EGFR: variants seen among roughly 807,000 people sequenced by gnomAD.
EGFR encodes avian erythroblastic leukemia viral (v-erb-b) oncogene homolog.
A neutral mutation model predicts 143.0 loss-of-function variants in EGFR; 58 were observed. The ratio of observed to expected loss-of-function variants is 0.41; its 90% confidence interval spans 0.33 to 0.50. The LOEUF (loss-of-function observed/expected upper bound fraction) is 0.50, where lower values mean the gene tolerates loss of function less well. Among genes scored for constraint, EGFR ranks in the 20% least tolerant of loss-of-function variants. The pLI, the probability that EGFR is intolerant of heterozygous loss-of-function variation, is 0.39. For missense variants in EGFR, 1,307 were observed against 1,579.0 expected, an observed-to-expected ratio of 0.83 and a Z score of 2.92; for synonymous variants, 613 against 594.4, an observed-to-expected ratio of 1.03 and a Z score of -0.45.
intron 24 of EGFR, chr7:55,200,940 C>T (rs1459987454): frequency 7.0e-6 from 4 of 572,270 alleles, no homozygotes; most frequent in South Asian, 2.0e-5. Context: ...TTTCTGTTTC[C>T]TCAGAAGCTA....
At chr7:55,170,943 GAAC>G in intron 15 of EGFR, 1 of 1,433,636 alleles carries the variant, frequency 7.0e-7, no homozygotes, top group South Asian at 1.5e-5. Flanking sequence ...TTCAATGCTA[GAAC>G]AACGCCTGTC....
intron 1 of EGFR, among the ~76,000 whole-genome samples, chr7:55,052,810 A>C (rs1284432452): frequency 6.6e-6 from 1 of 152,186 alleles, no homozygotes. Context: ...CTTCTGGAGC[A>C]CTGTAATGTG....
At chr7:55,171,593 T>C (rs1035972793) in intron 16 of EGFR, among the ~76,000 whole-genome samples, 1 of 152,186 alleles carries the variant, frequency 6.6e-6, no homozygotes, top group South Asian at 2.1e-4. Context: ...TGTGTGTGAG[T>C]GGCCTTTCTG....
At chr7:55,136,145 G>T (rs6969570) in intron 1 of EGFR, among the ~76,000 whole-genome samples, 1 of 152,134 alleles carries the variant, frequency 6.6e-6, no homozygotes, top group East Asian at 1.9e-4. Flanking sequence ...AGAAATGACC[G>T]GTCCTGATTC....
At chr7:55,049,082 T>C (rs1429791481) in intron 1 of EGFR, among the ~76,000 whole-genome samples, 1 of 152,232 alleles carries the variant, frequency 6.6e-6, no homozygotes, top group Non-Finnish European at 1.5e-5. Flanking sequence ...ACATTTAGTA[T>C]GCATATGACA....
Position 55,151,110 on chromosome 7 carries a change from T to A in EGFR, c.560-184T>A, listed in dbSNP as rs17289760. On this transcript the variant is annotated intron_variant, in intron 4 of 27. Transcript: ENST00000275493. The stretch of plus-strand genomic sequence containing the variant: ...CTGACATGTAAATAAAAGCAGTTCA[T>A]GGTTCATCTTCTTTTCTTATCGGGG... Among the ~76,000 whole-genome samples, 2,105 of 152,368 alleles carry A rather than the reference T, an allele frequency of 0.014. 43 individuals carry two copies. Among genetic ancestry groups the A allele is most frequent in the African/African-American group, 0.046 (1,897 of 41,582 alleles).
In EGFR at chr7:55,209,371, C is replaced by T. The variant is rs1788185755; in HGVS notation, c.*3754C>T. ...AGACTTGGCTCATTTCAAAAGCGTT[C>T]AATTCATCCTCACCAGCAGTTCAGC... On this transcript the variant is annotated 3_prime_UTR_variant, in exon 28 of 28. Coordinates refer to ENST00000275493, the MANE Select transcript of EGFR (RefSeq NM_005228.5). 6.6e-6 allele frequency: 1 copy of T among 152,142 alleles called. No individual in the cohort carries two copies. 9.4% of individuals were successfully genotyped at this position (152,142 alleles called of 1,614,324 possible). A position where few individuals can be genotyped will look rare whatever the true frequency, so the allele number is the denominator to read the frequency against.
At chr7:55,172,726 G>C in intron 16 of EGFR, 1 of 824,706 alleles carries the variant, frequency 1.2e-6, no homozygotes, top group African/African-American at 1.7e-5. Flanking sequence ...TCATTATATG[G>C]AGAGGTCCAG....
At chr7:55,058,212 G>A (rs1453429841) in intron 1 of EGFR, among the ~76,000 whole-genome samples, 2 of 152,184 alleles carry the variant, frequency 1.3e-5, no homozygotes, top group Non-Finnish European at 2.9e-5. Flanking sequence ...TGGCCAAGAT[G>A]GTGAAACCTC....
intron 7 of EGFR, among the ~76,000 whole-genome samples, chr7:55,155,340 G>A (rs1471983737): frequency 3.3e-5 from 5 of 152,234 alleles, no homozygotes; most frequent in African/African-American, 1.2e-4. Flanking sequence ...CGCTCAGGAG[G>A]CTGAGGCAGG....
chr7:55,203,688 C>T (rs1418085419), intron 27 of EGFR, among the ~76,000 whole-genome samples: 1 of 146,582 alleles, frequency 6.8e-6, no homozygotes, highest in Non-Finnish European at 1.5e-5. Flanking sequence ...CCACACACAC[C>T]ACACATACAC....
intron 14 of EGFR, among the ~76,000 whole-genome samples, chr7:55,164,124 C>G (rs1353678204): frequency 1.3e-5 from 2 of 152,250 alleles, no homozygotes; most frequent in Non-Finnish European, 2.9e-5. Context: ...CTGACCTAGT[C>G]AGCATTGCTT....
intron 16 of EGFR, chr7:55,172,782 G>C (rs1246540177): frequency 6.8e-7 from 1 of 1,471,652 alleles, no homozygotes; most frequent in Non-Finnish European, 9.2e-7. Context: ...GCCTGGTAGG[G>C]GACTGGGGAG....
chr7:55,186,227 C>T (rs1787131631), intron 20 of EGFR, among the ~76,000 whole-genome samples: 1 of 152,206 alleles, frequency 6.6e-6, no homozygotes, highest in Admixed American at 6.5e-5. Flanking sequence ...GAGGAAGGGC[C>T]ACAGTGTGTT....
rs1443442951 is a variant in EGFR at position 55,201,456 on chromosome 7, A to G, written c.3114+101A>G. 9 of 1,524,494 alleles carry G rather than the reference A, an allele frequency of 5.9e-6. No individual in the cohort carries two copies. Among genetic ancestry groups the G allele is most frequent in the African/African-American group, 1.4e-5 (1 of 72,548 alleles). 94.4% of individuals were successfully genotyped at this position (1,524,494 alleles called of 1,614,324 possible). On this transcript the variant is annotated intron_variant, in intron 25 of 27. Transcript: ENST00000275493. The stretch of plus-strand genomic sequence containing the variant: ...ACCATCTAGTGAAACTCACATGGAT[A>G]TGAAGTCAATTTTAACCAAATGGTA...
At chr7:55,172,905 T>A (rs746217493) in intron 16 of EGFR, 78 bp from the exon 17 acceptor site, 1 of 1,613,082 alleles carries the variant, frequency 6.2e-7, no homozygotes, top group Non-Finnish European at 8.5e-7. Context: ...CACTGAAACA[T>A]GCAGGGGCGT....
chr7:55,136,359 A>C (rs932087732), intron 1 of EGFR, among the ~76,000 whole-genome samples: 1 of 152,214 alleles, frequency 6.6e-6, no homozygotes, highest in Non-Finnish European at 1.5e-5. Flanking sequence ...AGAAAGTGGC[A>C]AGGACTGTCA....
intron 1 of EGFR, among the ~76,000 whole-genome samples, chr7:55,026,967 G>C (rs181671388): frequency 9.7e-4 from 147 of 152,232 alleles, no homozygotes; most frequent in African/African-American, 3.5e-3. Context: ...CACACTCTTG[G>C]ACCCCACCCT....
At chr7:55,147,513 A>AC (rs1265267126) in intron 4 of EGFR, among the ~76,000 whole-genome samples, 1 of 151,468 alleles carries the variant, frequency 6.6e-6, no homozygotes, top group African/African-American at 2.4e-5. Flanking sequence ...CTCAGAACAA[A>AC]AAAAAAAAAA....
Sources: gnomAD v4.1 joint callset for allele counts (sites outside exome capture counted in the v4.1 genomes callset) on GRCh38, gnomAD v4.1.1 for gene constraint, MANE v1.5 for transcripts, NCBI Gene and HGNC (gene_info 2026-07-23, HGNC 2026-07-21) for gene names.